The following C10orf143 variants were observed in gnomAD, a reference collection of about 807,000 sequenced individuals.
The protein encoded by C10orf143 is chromosome 10 open reading frame 143.
rs371012014 is a variant in C10orf143 at position 130,054,351 on chromosome 10, T to A, written c.298-18381A>T. ...GTCCATGTTGTCACATAGGACAGGG[T>A]TTCCTCCTTTTTAAAGACTGAGTAA... On this transcript the variant is annotated intron_variant and NMD_transcript_variant, in intron 3 of 5. Coordinates refer to the C10orf143 transcript ENST00000643056. Among the ~76,000 whole-genome samples, 19 of 152,328 alleles carry A rather than the reference T, an allele frequency of 1.2e-4. No individual in the cohort carries two copies. In the East Asian group the frequency reaches 3.5e-3, roughly 28 times the overall value.
rs912747651 is a variant in C10orf143, at chr10:130,056,828, T to A, written c.298-20858A>T. 2.6e-5 allele frequency among the ~76,000 whole-genome samples: 4 copies of A among 152,124 alleles called. No homozygotes were observed. Among genetic ancestry groups the A allele is most frequent in the South Asian group, 2.1e-4 (1 of 4,828 alleles). ...AGATGGTCTCGATCTCCTGACCTCA[T>A]GATCCGCCTGCCTCGGTCTCCCAAA... On this transcript the variant is annotated intron_variant and NMD_transcript_variant, in intron 3 of 5. Transcript: ENST00000643056. The surrounding 1 kb of genome is among the most constrained non-coding windows in gnomAD (Gnocchi z 4.6).
At chr10:130,046,680 C>A (rs900838154) in intron 3 of C10orf143, among the ~76,000 whole-genome samples, 1 of 152,224 alleles carries the variant, frequency 6.6e-6, no homozygotes, top group African/African-American at 2.4e-5. Flanking sequence ...TGGAAACTGC[C>A]GTCTCCGCGC....
intron 1 of C10orf143, among the ~76,000 whole-genome samples, chr10:130,082,993 A>G (rs1468591939): frequency 6.6e-6 from 1 of 152,228 alleles, no homozygotes; most frequent in Non-Finnish European, 1.5e-5. Flanking sequence ...ACATCAAAAG[A>G]TAACTGATAA....
At chr10:130,059,091 A>T (rs1402627959), downstream of C10orf143, among the ~76,000 whole-genome samples, 1 of 152,214 alleles carries the variant, frequency 6.6e-6, no homozygotes, top group Non-Finnish European at 1.5e-5. Flanking sequence ...TGGGGAAAAA[A>T]CACAGTTAGA....
chr10:130,085,687 T>C (rs962194713), intron 1 of C10orf143, among the ~76,000 whole-genome samples: 4 of 152,304 alleles, frequency 2.6e-5, no homozygotes, highest in Admixed American at 6.5e-5. Flanking sequence ...CTAAGATCAT[T>C]AACAAGCTTA....
At chr10:130,066,300 A>C (rs985913600) in intron 3 of C10orf143, 1 of 149,046 alleles carries the variant, frequency 6.7e-6, no homozygotes, top group African/African-American at 2.5e-5. Flanking sequence ...AGATCCTCTC[A>C]TCTCAGCCTC....
chr10:130,084,868 C>T (rs1861267011), intron 1 of C10orf143, among the ~76,000 whole-genome samples: 1 of 152,124 alleles, frequency 6.6e-6, no homozygotes, highest in African/African-American at 2.4e-5. Context: ...AGGCCAAAAA[C>T]TTAGAAAGTT....
intron 1 of C10orf143, among the ~76,000 whole-genome samples, chr10:130,098,254 C>T (rs541541801): frequency 1.5e-3 from 223 of 151,860 alleles, no homozygotes; most frequent in Non-Finnish European, 2.5e-3. Context: ...GCCCAGGAGG[C>T]GGAGGTTGCA....
At chr10:130,070,758 T>G (rs1336984255) in intron 3 of C10orf143, among the ~76,000 whole-genome samples, 3 of 152,070 alleles carry the variant, frequency 2.0e-5, no homozygotes, top group Non-Finnish European at 4.4e-5. Flanking sequence ...CGTAGATCCT[T>G]CTGTAATTTC....
At chr10:130,106,890 G>A (rs1329548502) in intron 1 of C10orf143, 1 of 1,057,198 alleles carries the variant, frequency 9.5e-7, no homozygotes, top group Non-Finnish European at 1.5e-6. Flanking sequence ...GCTAGGCTTA[G>A]AGAAGACGTA....
At chr10:130,085,642 T>G (rs576874819) in intron 1 of C10orf143, among the ~76,000 whole-genome samples, 1 of 152,334 alleles carries the variant, frequency 6.6e-6, no homozygotes, top group East Asian at 1.9e-4. Flanking sequence ...TTAACAGTAC[T>G]ACACCAACAT....
At chr10:130,076,676 TTGGAGACCTC>T (rs1156883640) in intron 3 of C10orf143, among the ~76,000 whole-genome samples, 6 of 152,228 alleles carry the variant, frequency 3.9e-5, no homozygotes, top group Non-Finnish European at 7.3e-5. Context: ...TTTGATTATT[TTGGAGACCTC>T]TGGCAGACCC....
chr10:130,105,983 G>T (rs893422300), intron 1 of C10orf143: 14 of 410,450 alleles, frequency 3.4e-5, no homozygotes, highest in African/African-American at 2.9e-4. Context: ...GCAAGGCTGC[G>T]AGTTCTCCGC....
intron 1 of C10orf143, among the ~76,000 whole-genome samples, chr10:130,090,128 G>C (rs909584334): frequency 6.6e-6 from 1 of 152,180 alleles, no homozygotes; most frequent in Admixed American, 6.5e-5. Flanking sequence ...CTGGCAAGAT[G>C]GCCAAATAGG....
chr10:130,047,625 G>C (rs2134729195), intron 3 of C10orf143, among the ~76,000 whole-genome samples: 1 of 152,350 alleles, frequency 6.6e-6, no homozygotes, highest in East Asian at 1.9e-4. Flanking sequence ...GACGAAGCCA[G>C]CTGAGCTGAA....
intron 3 of C10orf143, among the ~76,000 whole-genome samples, chr10:130,050,813 C>A (rs1426350605): frequency 6.6e-6 from 1 of 152,166 alleles, no homozygotes; most frequent in Non-Finnish European, 1.5e-5. Flanking sequence ...GGGATGTAAA[C>A]CCTGGCGCCT....
intron 1 of C10orf143, among the ~76,000 whole-genome samples, chr10:130,083,221 C>T (rs1861236353): frequency 6.6e-6 from 1 of 152,158 alleles, no homozygotes; most frequent in African/African-American, 2.4e-5. Flanking sequence ...ATTAAGTCAA[C>T]ATCAAGATAT....
In C10orf143 at chr10:130,056,737, A is replaced by G. The variant is rs1032686772; in HGVS notation, c.298-20767T>C. 2.0e-5 allele frequency among the ~76,000 whole-genome samples: 3 copies of G among 151,570 alleles called. No homozygotes were observed. The highest frequency in any genetic ancestry group is 2.9e-5 in the Non-Finnish European group (2 of 67,898). ...CTCCTGAGTAGCTGGGATTACAGGC[A>G]CCCACCACCGCACCTGGCTAATTTT... On this transcript the variant is annotated intron_variant and NMD_transcript_variant, in intron 3 of 5. Transcript: ENST00000643056. This position sits in a 1 kb window ranked among gnomAD's most constrained non-coding sequence, Gnocchi z 4.6.
chr10:130,063,737 G>C (rs1401166912), downstream of C10orf143, among the ~76,000 whole-genome samples: 1 of 152,166 alleles, frequency 6.6e-6, no homozygotes, highest in East Asian at 1.9e-4. Flanking sequence ...CAAACCCAGA[G>C]AAAATAATGC....
Sources: allele counts gnomAD v4.1 joint callset (sites outside exome capture counted in the v4.1 genomes callset), GRCh38; gene constraint gnomAD v4.1.1; non-coding constraint Gnocchi (gnomAD v3.1); transcripts MANE v1.5; gene names NCBI Gene and HGNC (gene_info 2026-07-23, HGNC 2026-07-21).